The following SLC4A4 variants were observed in gnomAD, a reference collection of about 807,000 sequenced individuals.
SLC4A4 encodes electrogenic sodium bicarbonate cotransporter 1.
Under a neutral mutation model 111.5 loss-of-function variants are expected in SLC4A4, and 27 were observed. The ratio of observed to expected loss-of-function variants is 0.24; its 90% CI spans 0.18 to 0.33. SLC4A4 has a LOEUF of 0.33. Ranked by LOEUF, SLC4A4 falls within the 10% of genes least tolerant of loss-of-function variation. The probability of loss-of-function intolerance (pLI) is 1.00; values close to 1 mark genes in which losing one functional copy is unlikely to be tolerated. For missense variants in SLC4A4, 909 were observed against 1,315.5 expected (o/e 0.69, Z 4.78); for synonymous variants, 443 against 463.4 (o/e 0.96, Z 0.57).
At chr4:71,125,259 T>C (rs1413280690) in intron 2 of SLC4A4, among the ~76,000 whole-genome samples, 1 of 152,192 alleles carries the variant, frequency 6.6e-6, no homozygotes, top group Non-Finnish European at 1.5e-5. Context: ...TTATTCATGG[T>C]GTGAAAACTT....
At chr4:71,186,081 ACT>A (rs1286261813), upstream of SLC4A4, among the ~76,000 whole-genome samples, 1 of 152,234 alleles carries the variant, frequency 6.6e-6, no homozygotes, top group African/African-American at 2.4e-5. Context: ...TTAATGGTTT[ACT>A]TATGATTCAA....
chr4:71,424,150 A>G (rs1237923161), intron 7 of SLC4A4, among the ~76,000 whole-genome samples: 1 of 152,122 alleles, frequency 6.6e-6, no homozygotes, highest in Non-Finnish European at 1.5e-5. Flanking sequence ...TACAAGAAAA[A>G]ACAAACAACC....
At chr4:71,272,096 A>G (rs1011735428) in intron 3 of SLC4A4, among the ~76,000 whole-genome samples, 3 of 152,178 alleles carry the variant, frequency 2.0e-5, no homozygotes, top group Non-Finnish European at 4.4e-5. Context: ...AAATTAACTA[A>G]ATGCAAGTAT....
At chr4:71,539,332 T>C (rs1482194302) in intron 18 of SLC4A4, among the ~76,000 whole-genome samples, 1 of 152,112 alleles carries the variant, frequency 6.6e-6, no homozygotes, top group Non-Finnish European at 1.5e-5. Context: ...TTTTTAAACT[T>C]TCACACTTTG....
At chr4:71,531,413 G>C (rs552813774) in intron 16 of SLC4A4, among the ~76,000 whole-genome samples, 2 of 152,092 alleles carry the variant, frequency 1.3e-5, no homozygotes, top group Non-Finnish European at 2.9e-5. Context: ...AACCTGGATT[G>C]AGAAATATTT....
At chr4:71,294,096 A>C (rs1724590397) in intron 3 of SLC4A4, among the ~76,000 whole-genome samples, 1 of 152,352 alleles carries the variant, frequency 6.6e-6, no homozygotes, top group Non-Finnish European at 1.5e-5. Context: ...TGTTCCCCTA[A>C]AAATGGAAGC....
intron 1 of SLC4A4, among the ~76,000 whole-genome samples, chr4:71,082,783 A>G (rs905158830): frequency 2.0e-5 from 3 of 151,902 alleles, no homozygotes; most frequent in Admixed American, 6.6e-5. Flanking sequence ...TCCCTAGCCC[A>G]TAACTCCCTA....
chr4:71,339,135 G>A, intron 3 of SLC4A4: 3 of 1,611,502 alleles, frequency 1.9e-6, no homozygotes, highest in African/African-American at 1.3e-5. Flanking sequence ...TTGGAGTGCT[G>A]TCCTTCTGGA....
chr4:71,341,284 T>C (rs1728884456), intron 4 of SLC4A4, among the ~76,000 whole-genome samples: 1 of 152,128 alleles, frequency 6.6e-6, no homozygotes. Context: ...TATAATACCT[T>C]ACAATATGAG....
At chr4:71,261,405 T>G (rs1336453011) in intron 3 of SLC4A4, among the ~76,000 whole-genome samples, 3 of 152,236 alleles carry the variant, frequency 2.0e-5, no homozygotes, top group Non-Finnish European at 4.4e-5. Context: ...TTGTGTTTCT[T>G]TGTGAAATTA....
At chr4:71,276,675 T>TG (rs1723095054) in intron 3 of SLC4A4, among the ~76,000 whole-genome samples, 1 of 151,956 alleles carries the variant, frequency 6.6e-6, no homozygotes, top group South Asian at 2.1e-4. Flanking sequence ...CAGTATTCTG[T>TG]GGTATGGATG....
intron 2 of SLC4A4, among the ~76,000 whole-genome samples, chr4:71,179,007 T>G (rs1401883889): frequency 6.6e-6 from 1 of 152,194 alleles, no homozygotes; most frequent in Non-Finnish European, 1.5e-5. Flanking sequence ...TTGTCCACCA[T>G]GATCAAGTGG....
intron 7 of SLC4A4, among the ~76,000 whole-genome samples, chr4:71,418,565 A>G (rs541813283): frequency 6.6e-6 from 1 of 152,198 alleles, no homozygotes; most frequent in African/African-American, 2.4e-5. Context: ...CCTCTTAGAT[A>G]TTAGGCCAAC....
chr4:71,397,644 G>A lies in SLC4A4; in HGVS notation c.798G>A (p.Glu266=). 6.2e-7 allele frequency: 1 copy of A among 1,613,938 alleles called. No homozygotes were observed. Residue 266 remains glutamate, a synonymous_variant, in exon 7 of 26, where the codon GAG becomes GAA. Coordinates refer to ENST00000264485, the MANE Select transcript of SLC4A4 (RefSeq NM_001098484.3). ...TGAATGACATTTCTGATAAACCGGA[G>A]AAGGACCAGGTAAGCAAAAAATTCT... is the stretch of plus-strand genomic sequence containing the variant. ...SSLNDISDKP[E]KDQLKNKFMK...
chr4:71,072,133 T>C (rs1384438333), intron 1 of SLC4A4, among the ~76,000 whole-genome samples: 1 of 152,230 alleles, frequency 6.6e-6, no homozygotes, highest in African/African-American at 2.4e-5. Context: ...TACAATCTTT[T>C]GTATAATACT....
chr4:71,213,673 A>G lies in SLC4A4; in HGVS notation c.-1-22903A>G, dbSNP rs147576572. ...ACCCAGAGTCATAAGTTGAAGCCCT[A>G]ATTTCCAGTACGATGATATTTGGAA... On this transcript the variant is annotated intron_variant, in intron 1 of 25. Coordinates refer to ENST00000264485, the MANE Select transcript of SLC4A4 (RefSeq NM_001098484.3). 2.6e-5 allele frequency among the ~76,000 whole-genome samples: 4 copies of G among 152,268 alleles called. No homozygotes were observed. The East Asian group carries it at 5.8e-4, about 22-fold the overall frequency.
chr4:71,451,868 A>C (rs1303222830), intron 11 of SLC4A4, among the ~76,000 whole-genome samples: 1 of 152,124 alleles, frequency 6.6e-6, no homozygotes, highest in Non-Finnish European at 1.5e-5. Context: ...TCCATTTCTC[A>C]CCTGTATGTG....
At chr4:71,093,148 A>T (rs1414644400) in intron 2 of SLC4A4, among the ~76,000 whole-genome samples, 1 of 151,874 alleles carries the variant, frequency 6.6e-6, no homozygotes, top group African/African-American at 2.4e-5. Flanking sequence ...TTGTATTTTG[A>T]CCTCTTTTGT....
chr4:71,431,807 A>G (rs974935151), intron 7 of SLC4A4, among the ~76,000 whole-genome samples: 1 of 152,016 alleles, frequency 6.6e-6, no homozygotes, highest in African/African-American at 2.4e-5. Flanking sequence ...GATAATCTGC[A>G]TGTGTTGTGA....
Sources: allele counts gnomAD v4.1 joint callset (sites outside exome capture counted in the v4.1 genomes callset), GRCh38; gene constraint gnomAD v4.1.1; transcripts MANE v1.5; gene names NCBI Gene and HGNC (gene_info 2026-07-23, HGNC 2026-07-21).